The following CYP2C18 variants were observed in gnomAD, a reference collection of about 807,000 sequenced individuals.
The protein encoded by CYP2C18 is cytochrome P450 family 2 subfamily C member 18, also known as cytochrome P450 2C18.
Under a neutral mutation model 41.3 loss-of-function variants are expected in CYP2C18, and 38 were observed. The ratio of observed to expected loss-of-function variants is 0.92; its 90% confidence interval spans 0.71 to 1.21. CYP2C18 has a LOEUF of 1.21. Ranked by LOEUF, CYP2C18 falls within the 50% of genes most tolerant of loss-of-function variation. CYP2C18 has a pLI of 0.00. For synonymous variants in CYP2C18, 236 were observed against 210.0 expected (o/e 1.12, Z -1.07); for missense variants, 635 against 591.4 (o/e 1.07, Z -0.77).
chr10:94,699,222 A>G (rs1469122364), intron 4 of CYP2C18, among the ~76,000 whole-genome samples: 1 of 152,202 alleles, frequency 6.6e-6, no homozygotes, highest in Non-Finnish European at 1.5e-5. Context: ...TCGATGCAAA[A>G]ATCCTCAACA....
Position 94,686,931 on chromosome 10 carries a change from A to G in CYP2C18, c.169-839A>G, listed in dbSNP as rs189077219. ...AAGTCAGTCACTGTATATGCTATGTATTTTGCTTAGATTAGCCATGATCAT... is the reference window on the plus strand; with the variant it reads ...AAGTCAGTCACTGTATATGCTATGTGTTTTGCTTAGATTAGCCATGATCAT... On this transcript the variant is annotated intron_variant, in intron 1 of 8. Coordinates refer to ENST00000285979, the MANE Select transcript of CYP2C18 (RefSeq NM_000772.3). Among the ~76,000 whole-genome samples, 28 of 152,266 alleles carry G rather than the reference A, an allele frequency of 1.8e-4. No individual in the cohort carries two copies. The East Asian group carries it at 4.6e-3, about 25-fold the overall frequency.
At chr10:94,714,967 T>C (rs543989555) in intron 5 of CYP2C18, among the ~76,000 whole-genome samples, 1 of 152,310 alleles carries the variant, frequency 6.6e-6, no homozygotes, top group Non-Finnish European at 1.5e-5. Context: ...ACTCATGATT[T>C]GGCACTCTGT....
At chr10:94,723,753 A>G (rs1311238868) in intron 6 of CYP2C18, among the ~76,000 whole-genome samples, 3 of 150,696 alleles carry the variant, frequency 2.0e-5, no homozygotes, top group East Asian at 4.0e-4. Context: ...CATCTTTCTT[A>G]CCATGAGGTT....
intron 4 of CYP2C18, among the ~76,000 whole-genome samples, chr10:94,701,093 A>G (rs1379228031): frequency 6.6e-6 from 1 of 152,236 alleles, no homozygotes; most frequent in Non-Finnish European, 1.5e-5. Context: ...TAGAAGTACC[A>G]TTTGACCCAG....
intron 4 of CYP2C18, among the ~76,000 whole-genome samples, chr10:94,698,731 T>A (rs895805970): frequency 4.0e-5 from 6 of 151,612 alleles, no homozygotes; most frequent in African/African-American, 1.5e-4. Context: ...GATAGACCAC[T>A]AGCAAGACTA....
At chr10:94,719,956 C>G (rs1847621221) in intron 5 of CYP2C18, among the ~76,000 whole-genome samples, 1 of 152,060 alleles carries the variant, frequency 6.6e-6, no homozygotes, top group Non-Finnish European at 1.5e-5. Flanking sequence ...AAGTGATCCT[C>G]CTGCCTTGGC....
chr10:94,727,727 T>C (rs780923202), intron 7 of CYP2C18, among the ~76,000 whole-genome samples: 3 of 152,170 alleles, frequency 2.0e-5, no homozygotes, highest in Non-Finnish European at 4.4e-5. Flanking sequence ...GCAACTATTA[T>C]GTAGCATAAT....
intron 5 of CYP2C18, among the ~76,000 whole-genome samples, chr10:94,711,694 A>G (rs1247878386): frequency 1.3e-5 from 2 of 152,166 alleles, no homozygotes; most frequent in East Asian, 3.9e-4. Context: ...TTAAGGCATG[A>G]GCCACTGTGC....
At chr10:94,720,998 G>T (rs1847636476) in intron 6 of CYP2C18, among the ~76,000 whole-genome samples, 1 of 151,944 alleles carries the variant, frequency 6.6e-6, no homozygotes, top group South Asian at 2.1e-4. Flanking sequence ...TTGAGTAATA[G>T]ATATGCTCTT....
At chr10:94,727,087 A>T (rs1847754652) in intron 7 of CYP2C18, among the ~76,000 whole-genome samples, 1 of 152,168 alleles carries the variant, frequency 6.6e-6, no homozygotes, top group Non-Finnish European at 1.5e-5. Context: ...AAATTTAAAT[A>T]CAAATAGCCA....
intron 3 of CYP2C18, among the ~76,000 whole-genome samples, chr10:94,690,612 A>G (rs555808649): frequency 6.6e-6 from 1 of 152,160 alleles, no homozygotes; most frequent in East Asian, 1.9e-4. Flanking sequence ...GCTACAAGGT[A>G]CCATTCCTTC....
intron 6 of CYP2C18, among the ~76,000 whole-genome samples, chr10:94,722,693 A>C (rs952035337): frequency 6.6e-6 from 1 of 152,170 alleles, no homozygotes; most frequent in East Asian, 1.9e-4. Context: ...CCATTTGTCA[A>C]CTAATTGTTT....
At chr10:94,725,096 GAAAT>G (rs1398507246) in intron 7 of CYP2C18, among the ~76,000 whole-genome samples, 1 of 147,620 alleles carries the variant, frequency 6.8e-6, no homozygotes. Flanking sequence ...TATATAATAT[GAAAT>G]AAATATATAT....
chr10:94,724,240 T>C, intron 6 of CYP2C18, 106 bp from the exon 7 acceptor site: 2 of 1,113,486 alleles, frequency 1.8e-6, no homozygotes, highest in East Asian at 2.4e-5. Context: ...CCTATAAGTT[T>C]ATAATGATGT....
chr10:94,689,144 A>T, intron 3 of CYP2C18, among the ~76,000 whole-genome samples: 1 of 152,280 alleles, frequency 6.6e-6, no homozygotes, highest in African/African-American at 2.4e-5. Context: ...GTTACTATTT[A>T]CTGTAATGTT....
At chr10:94,733,207 G>T (rs1226327991) in intron 7 of CYP2C18, 90 bp from the exon 8 acceptor site, 23 of 1,267,030 alleles carry the variant, frequency 1.8e-5, no homozygotes, top group Middle Eastern at 1.9e-4. Flanking sequence ...CTTATCTATT[G>T]ATAAAAGAGA....
At chr10:94,715,321 A>T (rs565927497) in intron 5 of CYP2C18, among the ~76,000 whole-genome samples, 2 of 152,216 alleles carry the variant, frequency 1.3e-5, no homozygotes, top group African/African-American at 4.8e-5. Context: ...TGGGTTTGTC[A>T]TAAATAGCTC....
chr10:94,731,721 G>A (rs562903224), intron 7 of CYP2C18, among the ~76,000 whole-genome samples: 4 of 152,250 alleles, frequency 2.6e-5, no homozygotes, highest in South Asian at 2.1e-4. Context: ...AATGGGAAAA[G>A]ACTCCCTATT....
chr10:94,687,793 G>A lies in CYP2C18; in HGVS notation c.192G>A (p.Val64=). Residue 64 remains valine (V), a synonymous_variant, in exon 2 of 9, where the codon GTG becomes GTA. Coordinates refer to ENST00000285979, the MANE Select transcript of CYP2C18 (RefSeq NM_000772.3). ...LTNFSKVYGP[V]FTVYFGLKPI... ...AGTTCTCAAAAGTCTATGGCCCTGT[G>A]TTCACTGTGTATTTTGGCCTGAAGC... is the stretch of plus-strand genomic sequence containing the variant. 6.2e-7 allele frequency: 1 copy of A among 1,613,542 alleles called. No homozygotes were observed. The highest frequency in any genetic ancestry group is 1.1e-5 in the South Asian group (1 of 91,036).
Sources: allele counts gnomAD v4.1 joint callset (sites outside exome capture counted in the v4.1 genomes callset), GRCh38; gene constraint gnomAD v4.1.1; transcripts MANE v1.5; gene names NCBI Gene and HGNC (gene_info 2026-07-23, HGNC 2026-07-21).